Variants in NOL4 observed in about 807,000 individuals in gnomAD.
NOL4 encodes nucleolar protein 4.
NOL4 carries 17 observed loss-of-function variants against 75.9 expected under a neutral mutation model. That is an observed-to-expected ratio of 0.22 (90% CI 0.15 to 0.34). NOL4 has a LOEUF of 0.34. Among genes scored for constraint, NOL4 ranks in the 10% least tolerant of loss-of-function variants. The probability of loss-of-function intolerance (pLI) is 1.00; values close to 1 mark genes in which losing one functional copy is unlikely to be tolerated. For missense variants in NOL4, 614 were observed against 793.5 expected (o/e 0.77, Z 2.72); for synonymous variants, 292 against 289.9 (o/e 1.01, Z -0.07).
intron 6 of NOL4, among the ~76,000 whole-genome samples, chr18:33,993,233 TA>T (rs2073049834): frequency 6.6e-6 from 1 of 151,814 alleles, no homozygotes; most frequent in Admixed American, 6.6e-5. Context: ...TTGTTGAAAA[TA>T]ATAGAAATAT....
At chr18:34,160,021 C>T (rs367920155) in intron 1 of NOL4, among the ~76,000 whole-genome samples, 1 of 152,132 alleles carries the variant, frequency 6.6e-6, no homozygotes, top group Non-Finnish European at 1.5e-5. Flanking sequence ...CATACAGGAA[C>T]AGATTTTGCT....
rs148591241 is a variant in NOL4, at chr18:33,966,796, C to T, written c.1057-8378G>A. On this transcript the variant is annotated intron_variant, in intron 6 of 10. Transcript: ENST00000261592. ...ATACAACCAATGAGGTAAAAGACCT[C>T]TACAAAGAGAGTACTACTTAAAGAA... is the stretch of plus-strand genomic sequence containing the variant. Among the ~76,000 whole-genome samples, 52 of 152,150 alleles carry T rather than the reference C, an allele frequency of 3.4e-4. 2 individuals are homozygous for T. The East Asian group carries it at 9.1e-3, about 27-fold the overall frequency.
chr18:34,203,207 T>G (rs1423787803), intron 1 of NOL4, among the ~76,000 whole-genome samples: 1 of 151,990 alleles, frequency 6.6e-6, no homozygotes, highest in Non-Finnish European at 1.5e-5. Context: ...ATGTGCTATA[T>G]AGGTCCATTT....
At chr18:33,929,585 A>G (rs964672601) in intron 9 of NOL4, among the ~76,000 whole-genome samples, 2 of 152,178 alleles carry the variant, frequency 1.3e-5, no homozygotes, top group Non-Finnish European at 2.9e-5. Flanking sequence ...CAGTGGTGAT[A>G]TTGTCAGAAT....
At chr18:33,998,008 G>A (rs142251297) in intron 6 of NOL4, among the ~76,000 whole-genome samples, 88 of 151,874 alleles carry the variant, frequency 5.8e-4, no homozygotes, top group Non-Finnish European at 1.1e-3. Flanking sequence ...AATATTCTAT[G>A]TTAAAGAAAG....
chr18:34,174,748 A>T (rs2033382741), intron 1 of NOL4, among the ~76,000 whole-genome samples: 1 of 152,010 alleles, frequency 6.6e-6, no homozygotes, highest in African/African-American at 2.4e-5. Flanking sequence ...TCATTGTTCA[A>T]CTACCACTTA....
At chr18:33,921,779 T>C (rs2067054896) in intron 9 of NOL4, among the ~76,000 whole-genome samples, 1 of 152,184 alleles carries the variant, frequency 6.6e-6, no homozygotes. Context: ...TGGTACTTTG[T>C]GTTGGCAGCC....
chr18:33,866,983 C>T (rs1047473256), intron 10 of NOL4, among the ~76,000 whole-genome samples: 1 of 152,006 alleles, frequency 6.6e-6, no homozygotes, highest in African/African-American at 2.4e-5. Context: ...TTGCTTAGAC[C>T]ATTGGGTTCT....
chr18:34,080,635 T>A (rs1486638841), intron 5 of NOL4, among the ~76,000 whole-genome samples: 1 of 152,280 alleles, frequency 6.6e-6, no homozygotes, highest in East Asian at 1.9e-4. Flanking sequence ...TCCTTGTCCA[T>A]CATATTCATC....
chr18:34,187,711 T>G (rs1250421646), intron 1 of NOL4, among the ~76,000 whole-genome samples: 1 of 152,196 alleles, frequency 6.6e-6, no homozygotes, highest in Non-Finnish European at 1.5e-5. Flanking sequence ...AATGCTAAAA[T>G]ATTTCATTGT....
In NOL4 at chr18:33,997,761, T is replaced by C. The variant is rs948807306; in HGVS notation, c.1056+21557A>G. Among the ~76,000 whole-genome samples the C allele has an allele frequency of 4.7e-5, 7 of 150,312 alleles. No homozygotes were observed. In the Admixed American group the frequency reaches 4.7e-4, roughly 10 times the overall value. On this transcript the variant is annotated intron_variant, in intron 6 of 10. Coordinates refer to ENST00000261592, the MANE Select transcript of NOL4 (RefSeq NM_003787.5). ...ACTTTATATATATACTCCATATATG[T>C]AGAAATACCACAAAATGAAAACATA...
At chr18:34,149,350 T>C (rs558731573) in intron 1 of NOL4, among the ~76,000 whole-genome samples, 2 of 151,764 alleles carry the variant, frequency 1.3e-5, no homozygotes, top group Admixed American at 6.6e-5. Flanking sequence ...TAAGGGTCAA[T>C]CTTGTGAATA....
chr18:33,982,204 A>G (rs2072020860), intron 6 of NOL4, among the ~76,000 whole-genome samples: 2 of 152,100 alleles, frequency 1.3e-5, no homozygotes, highest in African/African-American at 4.8e-5. Flanking sequence ...ACATTACTCA[A>G]ACTATATTAA....
At chr18:34,062,161 C>T (rs2077088555) in intron 5 of NOL4, among the ~76,000 whole-genome samples, 2 of 152,050 alleles carry the variant, frequency 1.3e-5, no homozygotes, top group Non-Finnish European at 2.9e-5. Context: ...ATTCTGTTCA[C>T]CGACGTAACA....
intron 1 of NOL4, among the ~76,000 whole-genome samples, chr18:34,141,497 T>C (rs1193125374): frequency 1.3e-5 from 2 of 152,082 alleles, no homozygotes; most frequent in Admixed American, 6.6e-5. Context: ...TATAGACCAA[T>C]GGAACAGAAC....
intron 9 of NOL4, among the ~76,000 whole-genome samples, chr18:33,904,414 T>G (rs1174705842): frequency 1.3e-5 from 2 of 151,902 alleles, no homozygotes; most frequent in African/African-American, 4.8e-5. Flanking sequence ...GAAAAAAACC[T>G]TAAAAACTTA....
At chr18:34,138,383 C>A (rs902351245) in intron 1 of NOL4, among the ~76,000 whole-genome samples, 2 of 151,916 alleles carry the variant, frequency 1.3e-5, no homozygotes, top group Admixed American at 6.6e-5. Flanking sequence ...GCCTTAGCAA[C>A]AGGGTGAGAA....
chr18:34,075,091 T>C (rs957975026), intron 5 of NOL4, among the ~76,000 whole-genome samples: 3 of 152,170 alleles, frequency 2.0e-5, no homozygotes, highest in African/African-American at 7.2e-5. Flanking sequence ...AAATTCTTCG[T>C]ACATTATACA....
chr18:33,959,156 C>T (rs967236053), intron 6 of NOL4, among the ~76,000 whole-genome samples: 1 of 152,020 alleles, frequency 6.6e-6, no homozygotes, highest in African/African-American at 2.4e-5. Context: ...ATAATAGTGA[C>T]ACATATTTCC....
Sources: gnomAD v4.1 joint callset for allele counts (sites outside exome capture counted in the v4.1 genomes callset) on GRCh38, gnomAD v4.1.1 for gene constraint, MANE v1.5 for transcripts, NCBI Gene and HGNC (gene_info 2026-07-23, HGNC 2026-07-21) for gene names.